Variants in SLC25A30 observed in about 807,000 individuals in gnomAD.
SLC25A30 encodes kidney mitochondrial carrier protein 1.
In SLC25A30, 29 loss-of-function variants were observed where a neutral mutation model predicts 42.7. That is an observed-to-expected ratio of 0.68 (90% CI 0.51 to 0.93). The LOEUF (loss-of-function observed/expected upper bound fraction) is 0.93, where lower values mean the gene tolerates loss of function less well. Among genes scored for constraint, SLC25A30 ranks in the 40% least tolerant of loss-of-function variants. The probability of loss-of-function intolerance (pLI) is 0.00; values close to 1 mark genes in which losing one functional copy is unlikely to be tolerated. For missense variants in SLC25A30, 300 were observed against 359.7 expected (o/e 0.83, Z 1.34); for synonymous variants, 124 against 131.0 (o/e 0.95, Z 0.37).
chr13:45,423,626 A>G, the SLC25A30 span, among the ~76,000 whole-genome samples: 1 of 105,454 alleles, frequency 9.5e-6, no homozygotes, highest in Non-Finnish European at 1.8e-5. Flanking sequence ...AAATATATAT[A>G]TATAAATATA....
the SLC25A30 span, among the ~76,000 whole-genome samples, chr13:45,433,425 C>T: frequency 2.4e-3 from 365 of 152,236 alleles, no homozygotes; most frequent in African/African-American, 7.9e-3. Flanking sequence ...GAAACTCCCT[C>T]GAACATTCAA....
chr13:45,424,666 AAT>A, the SLC25A30 span, among the ~76,000 whole-genome samples: 114 of 69,164 alleles, frequency 1.6e-3, 28 homozygotes, highest in Non-Finnish European at 2.6e-3. Flanking sequence ...AATATATAGA[AAT>A]ATATATAGTT....
At chr13:45,430,293 G>T in the SLC25A30 span, among the ~76,000 whole-genome samples, 3 of 152,150 alleles carry the variant, frequency 2.0e-5, no homozygotes, top group Non-Finnish European at 4.4e-5. Context: ...AGTGATAGGA[G>T]TAAAGAGTAA....
At chr13:45,408,790 G>GA in intron 3 of SLC25A30, 137 bp downstream of exon 3, 1 of 681,654 alleles carries the variant, frequency 1.5e-6, no homozygotes. Flanking sequence ...AATTAAAAGT[G>GA]AAAAATCTGT....
At chr13:45,425,014 A>G in the SLC25A30 span, among the ~76,000 whole-genome samples, 18,458 of 22,852 alleles carry the variant, frequency 0.81, 7,360 homozygotes, top group Middle Eastern at 1. Context: ...ATATATATAA[A>G]TATACATATA....
chr13:45,397,690 C>T (rs1881495892), intron 8 of SLC25A30: 1 of 175,698 alleles, frequency 5.7e-6, no homozygotes, highest in Admixed American at 6.3e-5. Context: ...AGCGAGACTC[C>T]ATCTCAAAAA....
At chr13:45,424,415 A>T in the SLC25A30 span, among the ~76,000 whole-genome samples, 1 of 67,138 alleles carries the variant, frequency 1.5e-5, no homozygotes, top group Admixed American at 2.7e-4. Flanking sequence ...AAAAATATAT[A>T]TAAATATATG....
chr13:45,429,746 G>C, the SLC25A30 span, among the ~76,000 whole-genome samples: 4 of 151,884 alleles, frequency 2.6e-5, no homozygotes, highest in East Asian at 7.7e-4. Context: ...GAGGCAGGAA[G>C]ATCACTTGAG....
chr13:45,415,435 A>T (rs984504770), intron 1 of SLC25A30, among the ~76,000 whole-genome samples: 1 of 152,126 alleles, frequency 6.6e-6, no homozygotes, highest in African/African-American at 2.4e-5. Flanking sequence ...AGCAGAGGAA[A>T]TAAAAAATTT....
the SLC25A30 span, among the ~76,000 whole-genome samples, chr13:45,429,167 C>T: frequency 3.1e-4 from 45 of 145,752 alleles, no homozygotes; most frequent in East Asian, 4.5e-3. Flanking sequence ...CTCCTGGGTT[C>T]CAGCGATTCT....
intron 5 of SLC25A30, 38 bp from the exon 6 acceptor site, chr13:45,402,408 T>C (rs753798869): frequency 6.5e-7 from 1 of 1,535,388 alleles, no homozygotes; most frequent in Non-Finnish European, 9.0e-7. Context: ...AGAAAGAAAC[T>C]ACCACAATCC....
intron 5 of SLC25A30, chr13:45,402,657 GTCTT>G (rs10551855): frequency 0.16 from 96,158 of 598,380 alleles, 8,987 homozygotes; most frequent in African/African-American, 0.39. Context: ...TGTGAAAAAA[GTCTT>G]TCTAGGATAG....
upstream of SLC25A30, among the ~76,000 whole-genome samples, chr13:45,422,122 T>C (rs932978394): frequency 5.9e-5 from 9 of 152,208 alleles, no homozygotes; most frequent in African/African-American, 1.9e-4. Flanking sequence ...GGCAATTGTG[T>C]GTGCACTATA....
the SLC25A30 span, among the ~76,000 whole-genome samples, chr13:45,430,979 C>T: frequency 1.3e-5 from 2 of 152,182 alleles, no homozygotes; most frequent in Admixed American, 6.5e-5. Flanking sequence ...AGCATATACT[C>T]TACCCAATGG....
chr13:45,424,284 T>TGTAA, the SLC25A30 span, among the ~76,000 whole-genome samples: 1 of 28,574 alleles, frequency 3.5e-5, no homozygotes, highest in Admixed American at 6.6e-4. Flanking sequence ...TATAAATATA[T>TGTAA]ATATAAATAT....
At chr13:45,399,217 T>C in intron 7 of SLC25A30, 139 bp from the exon 8 acceptor site, 2 of 972,480 alleles carry the variant, frequency 2.1e-6, no homozygotes, top group Non-Finnish European at 2.9e-6. Context: ...TGTTTTGTTT[T>C]GTTTTTGAGA....
In SLC25A30 at chr13:45,394,877, C is replaced by T. The variant is rs1318965443; in HGVS notation, c.*1097G>A. On this transcript the variant is annotated 3_prime_UTR_variant, in exon 10 of 10. Transcript: ENST00000519676. ...AAGTCCAAGACAGGCACAACATAAACTAAAGTAAAAACTGGAAACCTGGAA... is the reference window on the plus strand; with the variant it reads ...AAGTCCAAGACAGGCACAACATAAATTAAAGTAAAAACTGGAAACCTGGAA... 3.0e-6 allele frequency: 3 copies of T among 985,288 alleles called. No individual in the cohort carries two copies. Among genetic ancestry groups the T allele is most frequent in the Non-Finnish European group, 3.6e-6 (3 of 829,914 alleles). The allele number at this position is 985,288 out of a possible 1,614,324, so 61.0% of individuals were successfully genotyped here.
intron 1 of SLC25A30, among the ~76,000 whole-genome samples, chr13:45,417,317 C>A (rs1883620742): frequency 6.6e-6 from 1 of 152,142 alleles, no homozygotes; most frequent in Non-Finnish European, 1.5e-5. Context: ...AGCCGTTTCT[C>A]TTATTTAATT....
At chr13:45,400,014 T>TTATATATATATGTATATATA (rs1338195041) in intron 7 of SLC25A30, among the ~76,000 whole-genome samples, 3 of 88,816 alleles carry the variant, frequency 3.4e-5, no homozygotes, top group East Asian at 2.8e-4. Context: ...TTATGTATGA[T>TTATATATATATGTATATATA]TATATATATA....
Sources: allele counts gnomAD v4.1 joint callset (sites outside exome capture counted in the v4.1 genomes callset), GRCh38; gene constraint gnomAD v4.1.1; transcripts MANE v1.5; gene names NCBI Gene and HGNC (gene_info 2026-07-23, HGNC 2026-07-21).